Variants in KCNQ5 observed in about 807,000 individuals in gnomAD.
The protein encoded by KCNQ5 is potassium voltage-gated channel subfamily Q member 5.
KCNQ5 carries 30 observed loss-of-function variants against 98.2 expected under a neutral mutation model. The observed-to-expected ratio is 0.31, with a 90% CI of 0.23 to 0.41. The LOEUF (loss-of-function observed/expected upper bound fraction) is 0.41, where lower values mean the gene tolerates loss of function less well. Among genes scored for constraint, KCNQ5 ranks in the 10% least tolerant of loss-of-function variants. The pLI, the probability that KCNQ5 is intolerant of heterozygous loss-of-function variation, is 1.00. For missense variants in KCNQ5, 835 were observed against 1,182.5 expected (o/e 0.71, Z 4.31); for synonymous variants, 458 against 449.4 (o/e 1.02, Z -0.24).
chr6:72,840,785 A>G (rs975254255), intron 1 of KCNQ5, among the ~76,000 whole-genome samples: 1 of 152,210 alleles, frequency 6.6e-6, no homozygotes, highest in African/African-American at 2.4e-5. Context: ...TATGAAGTTT[A>G]TGATCCACGG....
At chr6:73,124,962 TATATATATATATATATATACACACAC>T (rs1198632695) in intron 9 of KCNQ5, among the ~76,000 whole-genome samples, 163 of 13,226 alleles carry the variant, frequency 0.012, 2 homozygotes, top group African/African-American at 0.049. Context: ...TATATATATA[TATATATATATATATATATACACACAC>T]ACACATATAT....
chr6:72,730,839 GAA>G (rs11304697), intron 1 of KCNQ5, among the ~76,000 whole-genome samples: 168 of 146,642 alleles, frequency 1.1e-3, no homozygotes, highest in African/African-American at 3.8e-3. Context: ...TTTGTTCTGA[GAA>G]AAAAAAAAAG....
intron 1 of KCNQ5, among the ~76,000 whole-genome samples, chr6:72,624,513 C>T (rs1423463243): frequency 1.3e-5 from 2 of 152,148 alleles, no homozygotes; most frequent in Non-Finnish European, 2.9e-5. Context: ...TGCAACACAA[C>T]ATTTTCTTTT....
Position 72,622,443 on chromosome 6 carries a change from C to T in KCNQ5, c.254C>T (p.Ala85Val). ...GAGAGCCGCCGGGGCAAGCAGGGGGCCCGGATGAGCCTGCTGGGGAAGCCG... is the reference window on the plus strand; with the variant it reads ...GAGAGCCGCCGGGGCAAGCAGGGGGTCCGGATGAGCCTGCTGGGGAAGCCG... ...LRESRRGKQG[A>V]RMSLLGKPLS... Residue 85 changes from alanine to valine, a missense_variant, in exon 1 of 14, where the codon GCC becomes GTC. Physicochemically the swap from Ala to Val is moderately conservative, Grantham distance 64. Around this residue, in one of 10 missense-constraint regions of KCNQ5, gnomAD observed 54 missense variants for 51.5 expected, o/e 1.05. Transcript: ENST00000370398. The surrounding 1 kb of genome is among the most constrained non-coding windows in gnomAD (Gnocchi z 6.0). 1 of 1,569,306 alleles carries T rather than the reference C, an allele frequency of 6.4e-7. No homozygotes were observed. Among genetic ancestry groups the T allele is most frequent in the Non-Finnish European group, 8.6e-7 (1 of 1,158,282 alleles).
At chr6:73,087,595 AAG>A (rs987984241) in intron 5 of KCNQ5, among the ~76,000 whole-genome samples, 1 of 152,154 alleles carries the variant, frequency 6.6e-6, no homozygotes. Context: ...ATCACCTGGA[AAG>A]AGAGAAAAAA....
chr6:72,649,472 AG>A (rs1765770035), intron 1 of KCNQ5, among the ~76,000 whole-genome samples: 1 of 152,168 alleles, frequency 6.6e-6, no homozygotes, highest in Non-Finnish European at 1.5e-5. Context: ...GAAAACACAC[AG>A]GACTCTGAAA....
intron 1 of KCNQ5, among the ~76,000 whole-genome samples, chr6:72,891,517 G>T (rs548296708): frequency 6.6e-6 from 1 of 152,172 alleles, no homozygotes; most frequent in Non-Finnish European, 1.5e-5. Flanking sequence ...CCTAGAAAAA[G>T]GTGACAAATT....
chr6:73,023,002 A>G (rs186258297), intron 2 of KCNQ5, among the ~76,000 whole-genome samples: 2 of 152,342 alleles, frequency 1.3e-5, no homozygotes, highest in Admixed American at 1.3e-4. Flanking sequence ...TGATCTGATC[A>G]AATTTGGTTT....
chr6:72,782,472 G>A (rs535939959), intron 1 of KCNQ5, among the ~76,000 whole-genome samples: 6 of 152,262 alleles, frequency 3.9e-5, no homozygotes, highest in Admixed American at 6.5e-5. Flanking sequence ...CACAAATGCC[G>A]TATCACAAAG....
chr6:73,135,919 T>C (rs537983120), intron 10 of KCNQ5: 1 of 152,304 alleles, frequency 6.6e-6, no homozygotes, highest in South Asian at 2.1e-4. Flanking sequence ...CCTCTACTTA[T>C]AAGGATACCA....
At chr6:73,177,160 T>C (rs1778243542) in intron 11 of KCNQ5, among the ~76,000 whole-genome samples, 1 of 152,204 alleles carries the variant, frequency 6.6e-6, no homozygotes, top group Admixed American at 6.5e-5. Flanking sequence ...GAAGGTCCTT[T>C]GAAAGTGGCA....
chr6:72,794,976 A>G (rs1774252391), intron 1 of KCNQ5, among the ~76,000 whole-genome samples: 1 of 152,198 alleles, frequency 6.6e-6, no homozygotes, highest in South Asian at 2.1e-4. Context: ...CTTCAGGCAT[A>G]GCTAGATACA....
intron 1 of KCNQ5, among the ~76,000 whole-genome samples, chr6:72,947,985 G>C (rs1766625453): frequency 6.6e-6 from 1 of 151,894 alleles, no homozygotes; most frequent in Non-Finnish European, 1.5e-5. Context: ...GAAATTCTTA[G>C]GGATCCACTT....
At chr6:72,878,794 T>C (rs1778522751) in intron 1 of KCNQ5, among the ~76,000 whole-genome samples, 1 of 152,202 alleles carries the variant, frequency 6.6e-6, no homozygotes, top group Non-Finnish European at 1.5e-5. Flanking sequence ...CTTTTCTCAT[T>C]TGTTTCCCTT....
intron 10 of KCNQ5, among the ~76,000 whole-genome samples, chr6:73,150,396 T>G (rs569851178): frequency 2.7e-5 from 4 of 149,932 alleles, no homozygotes; most frequent in Admixed American, 6.7e-5. Flanking sequence ...CGTAGTAGCT[T>G]TCTTTGTAAT....
chr6:73,028,415 C>T (rs1313229743), intron 2 of KCNQ5, among the ~76,000 whole-genome samples: 1 of 152,210 alleles, frequency 6.6e-6, no homozygotes, highest in Non-Finnish European at 1.5e-5. Context: ...TTTCAGAGCT[C>T]TCCTTGTTTC....
intron 11 of KCNQ5, among the ~76,000 whole-genome samples, chr6:73,172,071 G>A (rs937742996): frequency 6.6e-6 from 1 of 152,200 alleles, no homozygotes; most frequent in African/African-American, 2.4e-5. Context: ...AGTCTTTGCA[G>A]AATTCCCTTG....
chr6:73,160,085 C>T (rs1236943883), intron 10 of KCNQ5, among the ~76,000 whole-genome samples: 1 of 152,144 alleles, frequency 6.6e-6, no homozygotes, highest in Non-Finnish European at 1.5e-5. Flanking sequence ...GCGATCTCGG[C>T]TCACTGCAAG....
intron 1 of KCNQ5, among the ~76,000 whole-genome samples, chr6:72,662,218 C>A (rs536305205): frequency 1.1e-4 from 17 of 152,200 alleles, no homozygotes; most frequent in African/African-American, 4.1e-4. Flanking sequence ...ATTCTATTGC[C>A]ATGTAAGCAC....
Sources: gnomAD v4.1 joint callset for allele counts (sites outside exome capture counted in the v4.1 genomes callset) on GRCh38, gnomAD v4.1.1 for gene constraint, gnomAD v4.1.1 regional missense constraint, Gnocchi (gnomAD v3.1) non-coding constraint, MANE v1.5 for transcripts, NCBI Gene and HGNC (gene_info 2026-07-23, HGNC 2026-07-21) for gene names.